PAX7: variants seen among roughly 807,000 people sequenced by gnomAD.
PAX7 encodes the protein paired box protein Pax-7.
PAX7 carries 18 observed loss-of-function variants against 50.7 expected under a neutral mutation model. The observed-to-expected ratio is 0.36, with a 90% CI of 0.25 to 0.53. PAX7 has a LOEUF of 0.53. Among genes scored for constraint, PAX7 ranks in the 20% least tolerant of loss-of-function variants. The probability of loss-of-function intolerance (pLI) is 0.93; values close to 1 mark genes in which losing one functional copy is unlikely to be tolerated. For missense variants in PAX7, 644 were observed against 702.9 expected, an observed-to-expected ratio of 0.92 and a Z score of 0.95; for synonymous variants, 310 against 290.4, an observed-to-expected ratio of 1.07 and a Z score of -0.69.
intron 4 of PAX7, among the ~76,000 whole-genome samples, chr1:18,676,803 C>A (rs1570157588): frequency 6.6e-6 from 1 of 152,178 alleles, no homozygotes; most frequent in Non-Finnish European, 1.5e-5. Context: ...GAGCCAGCCC[C>A]GCTGTATGCC....
intron 4 of PAX7, among the ~76,000 whole-genome samples, chr1:18,638,959 G>A (rs1570106146): frequency 6.6e-6 from 1 of 152,166 alleles, no homozygotes; most frequent in South Asian, 2.1e-4. Flanking sequence ...AGGGGGAGTT[G>A]TGCACACCCA....
At chr1:18,702,998 C>A in intron 6 of PAX7, 96 bp from the exon 7 acceptor site, 1 of 1,116,936 alleles carries the variant, frequency 9.0e-7, no homozygotes, top group Non-Finnish European at 1.3e-6. Context: ...GAATGGAGAC[C>A]GGGAGGAGGA....
At chr1:18,645,854 C>T (rs1487724029) in intron 4 of PAX7, among the ~76,000 whole-genome samples, 1 of 152,164 alleles carries the variant, frequency 6.6e-6, no homozygotes, top group African/African-American at 2.4e-5. Context: ...TGCAGAAGCA[C>T]CTCCGTCTCC....
At chr1:18,691,081 G>A (rs1273872892) in intron 4 of PAX7, among the ~76,000 whole-genome samples, 4 of 152,084 alleles carry the variant, frequency 2.6e-5, no homozygotes, top group Non-Finnish European at 4.4e-5. Flanking sequence ...GGGCTCAAGC[G>A]ATTCTCCCAC....
chr1:18,698,859 C>A (rs941221194), intron 5 of PAX7, among the ~76,000 whole-genome samples: 3 of 152,204 alleles, frequency 2.0e-5, no homozygotes, highest in Non-Finnish European at 4.4e-5. Context: ...GCAAGCTGAA[C>A]GCTGCTTTTC....
At chr1:18,702,190 T>A (rs185999865) in intron 6 of PAX7, among the ~76,000 whole-genome samples, 1 of 134,280 alleles carries the variant, frequency 7.4e-6, no homozygotes, top group East Asian at 2.3e-4. Flanking sequence ...AAAAAAAAAA[T>A]TATCTGGGCA....
chr1:18,733,038 G>A (rs950632461), intron 7 of PAX7, among the ~76,000 whole-genome samples: 1 of 152,098 alleles, frequency 6.6e-6, no homozygotes, highest in African/African-American at 2.4e-5. Context: ...TGAGCAGGGA[G>A]CAGGGTCCGT....
At chr1:18,686,734 C>T (rs895991499) in intron 4 of PAX7, among the ~76,000 whole-genome samples, 2 of 152,076 alleles carry the variant, frequency 1.3e-5, no homozygotes, top group African/African-American at 2.4e-5. Flanking sequence ...CATTGGGGCT[C>T]TTTGTGTCTT....
chr1:18,693,048 G>A (rs1444471067), intron 5 of PAX7, among the ~76,000 whole-genome samples: 1 of 152,170 alleles, frequency 6.6e-6, no homozygotes, highest in Non-Finnish European at 1.5e-5. Flanking sequence ...GGAGGGTTGG[G>A]GATGGAGGAG....
intron 4 of PAX7, among the ~76,000 whole-genome samples, chr1:18,687,857 T>C (rs2088999763): frequency 6.6e-6 from 1 of 152,010 alleles, no homozygotes; most frequent in Non-Finnish European, 1.5e-5. Flanking sequence ...GGCATCTCTC[T>C]GGATCCACGG....
At chr1:18,652,887 C>T (rs921291094) in intron 4 of PAX7, among the ~76,000 whole-genome samples, 4 of 152,184 alleles carry the variant, frequency 2.6e-5, no homozygotes, top group African/African-American at 9.7e-5. Flanking sequence ...TCCCTTAACT[C>T]CCCAGCCATG....
intron 4 of PAX7, among the ~76,000 whole-genome samples, chr1:18,637,634 C>T (rs370775731): frequency 1.1e-4 from 16 of 152,368 alleles, no homozygotes; most frequent in African/African-American, 3.8e-4. Flanking sequence ...CCCTCCCAAC[C>T]TTGAAGATGA....
At chr1:18,651,414 A>C (rs2088428556) in intron 4 of PAX7, among the ~76,000 whole-genome samples, 1 of 152,218 alleles carries the variant, frequency 6.6e-6, no homozygotes, top group Non-Finnish European at 1.5e-5. Flanking sequence ...AAAGTATATA[A>C]AATAAAAATT....
chr1:18,694,509 T>TAAATATAAA (rs892799348), intron 5 of PAX7, among the ~76,000 whole-genome samples: 1 of 142,780 alleles, frequency 7.0e-6, no homozygotes, highest in Non-Finnish European at 1.5e-5. Flanking sequence ...AATAAATAAA[T>TAAATATAAA]ATAAAATAAA....
At chr1:18,708,409 G>C (rs1201342048) in intron 7 of PAX7, among the ~76,000 whole-genome samples, 1 of 152,008 alleles carries the variant, frequency 6.6e-6, no homozygotes, top group Admixed American at 6.6e-5. Flanking sequence ...TTAAAAATTA[G>C]CCAGATACGG....
At chr1:18,739,406 A>G (rs1204758985) in intron 8 of PAX7, among the ~76,000 whole-genome samples, 1 of 152,262 alleles carries the variant, frequency 6.6e-6, no homozygotes, top group African/African-American at 2.4e-5. Flanking sequence ...TAATGTGTGT[A>G]CACAGCTTTA....
chr1:18,651,673 T>C (rs921829048), intron 4 of PAX7, among the ~76,000 whole-genome samples: 2 of 152,134 alleles, frequency 1.3e-5, no homozygotes, highest in African/African-American at 4.8e-5. Flanking sequence ...TGGAGAGAGA[T>C]TCCGAGTGTT....
chr1:18,690,478 G>A (rs2100292762), intron 4 of PAX7, among the ~76,000 whole-genome samples: 2 of 152,326 alleles, frequency 1.3e-5, no homozygotes, highest in South Asian at 4.1e-4. Flanking sequence ...ACGTGGGCAG[G>A]AGCCACAGGA....
At chr1:18,715,908 T>TG (rs2089414342) in intron 7 of PAX7, among the ~76,000 whole-genome samples, 1 of 152,144 alleles carries the variant, frequency 6.6e-6, no homozygotes, top group African/African-American at 2.4e-5. Context: ...TCATGTTCCC[T>TG]CAACACCTTT....
Sources: gnomAD v4.1 joint callset for allele counts (sites outside exome capture counted in the v4.1 genomes callset) on GRCh38, gnomAD v4.1.1 for gene constraint, MANE v1.5 for transcripts, NCBI Gene and HGNC (gene_info 2026-07-23, HGNC 2026-07-21) for gene names.